Variants in DCDC2 observed in about 807,000 individuals in gnomAD.
DCDC2 encodes doublecortin domain-containing protein 2.
In DCDC2, 40 loss-of-function variants were observed where a neutral mutation model predicts 50.2. The observed-to-expected ratio is 0.80, with a 90% CI of 0.62 to 1.04. The LOEUF is 1.04. Among genes scored for constraint, DCDC2 ranks in the 50% least tolerant of loss-of-function variants. The pLI, the probability that DCDC2 is intolerant of heterozygous loss-of-function variation, is 0.00. For missense variants in DCDC2, 570 were observed against 581.9 expected, an observed-to-expected ratio of 0.98 and a Z score of 0.21; for synonymous variants, 234 against 210.6, an observed-to-expected ratio of 1.11 and a Z score of -0.96.
At chr6:24,310,910 T>G (rs1053914292) in intron 2 of DCDC2, among the ~76,000 whole-genome samples, 1 of 152,200 alleles carries the variant, frequency 6.6e-6, no homozygotes, top group Non-Finnish European at 1.5e-5. Context: ...TTATTTTATC[T>G]GTCCCCTTCT....
At chr6:24,332,250 C>T (rs1759981061) in intron 2 of DCDC2, among the ~76,000 whole-genome samples, 1 of 140,074 alleles carries the variant, frequency 7.1e-6, no homozygotes, top group Admixed American at 7.0e-5. Context: ...GATATGACTT[C>T]GGACTGCCTG....
chr6:24,280,537 A>T (rs1763448069), intron 6 of DCDC2, among the ~76,000 whole-genome samples: 1 of 151,828 alleles, frequency 6.6e-6, no homozygotes, highest in Non-Finnish European at 1.5e-5. Flanking sequence ...AGATTTTAAA[A>T]TTTTATTTAT....
intron 7 of DCDC2, among the ~76,000 whole-genome samples, chr6:24,265,537 C>CA (rs139215810): frequency 2.0e-5 from 3 of 151,554 alleles, no homozygotes; most frequent in Non-Finnish European, 4.4e-5. Flanking sequence ...TAAAAAAACT[C>CA]AAAAAAAATT....
intron 7 of DCDC2, among the ~76,000 whole-genome samples, chr6:24,234,555 T>C (rs1762403812): frequency 6.6e-6 from 1 of 152,014 alleles, no homozygotes; most frequent in African/African-American, 2.4e-5. Context: ...AAGGAGAACC[T>C]AAACAAGGGT....
intron 7 of DCDC2, among the ~76,000 whole-genome samples, chr6:24,220,911 T>C (rs1367753282): frequency 1.4e-4 from 17 of 125,280 alleles, no homozygotes; most frequent in African/African-American, 3.0e-4. Context: ...AGCGAGAGAG[T>C]GAGCGAGCGA....
At chr6:24,183,751 C>G (rs1761132936) in intron 8 of DCDC2, among the ~76,000 whole-genome samples, 1 of 152,184 alleles carries the variant, frequency 6.6e-6, no homozygotes, top group Non-Finnish European at 1.5e-5. Context: ...ATAAATACCA[C>G]TGTCTCCGAG....
chr6:24,312,593 T>G (rs1274737413), intron 2 of DCDC2, among the ~76,000 whole-genome samples: 1 of 152,142 alleles, frequency 6.6e-6, no homozygotes, highest in Admixed American at 6.5e-5. Context: ...ATGAAACCAC[T>G]CATCTCTACC....
In DCDC2 at chr6:24,316,467, G is replaced by GAA. The variant is rs1293009236; in HGVS notation, c.349-14425_349-14424dup. Among the ~76,000 whole-genome samples, 4 of 152,136 alleles carry GAA rather than the reference G, an allele frequency of 2.6e-5. No homozygotes were observed. The South Asian group carries it at 6.2e-4, about 24-fold the overall frequency. ...ATCAGCTGTATGGATGCCACTAATG[G>GAA]AAATATTAAGATAAACGAGTAAGAA... On this transcript the variant is annotated intron_variant, in intron 2 of 9. Coordinates refer to ENST00000378454, the MANE Select transcript of DCDC2 (RefSeq NM_016356.5).
rs1561876844 is a variant in DCDC2, at chr6:24,174,235, T to G, written c.*495A>C. On this transcript the variant is annotated 3_prime_UTR_variant, in exon 10 of 10. Coordinates refer to ENST00000378454, the MANE Select transcript of DCDC2 (RefSeq NM_016356.5). ...GAAAGAAAGGCATGTTAACAAGTCA[T>G]GGACACATTTTGATCTACTGCCATC... 1 of 152,978 alleles carries G rather than the reference T, an allele frequency of 6.5e-6. No individual in the cohort carries two copies. The highest frequency in any genetic ancestry group is 2.1e-4 in the South Asian group (1 of 4,840). The allele number at this position is 152,978 out of a possible 1,614,324, so 9.5% of individuals were successfully genotyped here.
intron 7 of DCDC2, among the ~76,000 whole-genome samples, chr6:24,256,553 G>C (rs927453305): frequency 1.3e-5 from 2 of 152,050 alleles, no homozygotes; most frequent in African/African-American, 4.8e-5. Flanking sequence ...CTCTCCAAAT[G>C]CTGGGTATTT....
chr6:24,243,333 G>A (rs1265826481), intron 7 of DCDC2, among the ~76,000 whole-genome samples: 1 of 152,178 alleles, frequency 6.6e-6, no homozygotes, highest in Non-Finnish European at 1.5e-5. Flanking sequence ...CTGGACATGA[G>A]GTTGCACACC....
intron 7 of DCDC2, among the ~76,000 whole-genome samples, chr6:24,215,729 G>A (rs925153687): frequency 1.1e-4 from 17 of 152,194 alleles, no homozygotes; most frequent in East Asian, 7.7e-4. Flanking sequence ...GGGTCAGGAC[G>A]CTCCGAAGCA....
intron 2 of DCDC2, among the ~76,000 whole-genome samples, chr6:24,351,168 G>C (rs1760362634): frequency 6.6e-6 from 1 of 152,158 alleles, no homozygotes; most frequent in Non-Finnish European, 1.5e-5. Context: ...CTTTTGAGAT[G>C]CCAAGAACCC....
intron 8 of DCDC2, among the ~76,000 whole-genome samples, chr6:24,201,496 T>TAA (rs1761586663): frequency 6.6e-6 from 1 of 152,116 alleles, no homozygotes; most frequent in Admixed American, 6.6e-5. Flanking sequence ...GAGACACAGC[T>TAA]AAAGCAGTGT....
At chr6:24,281,066 G>A (rs1763458883) in intron 6 of DCDC2, among the ~76,000 whole-genome samples, 1 of 152,102 alleles carries the variant, frequency 6.6e-6, no homozygotes, top group Non-Finnish European at 1.5e-5. Flanking sequence ...ACTCTGGAGT[G>A]CGTGTCTTTC....
At chr6:24,337,185 A>G (rs1185801125) in intron 2 of DCDC2, among the ~76,000 whole-genome samples, 1 of 152,226 alleles carries the variant, frequency 6.6e-6, no homozygotes, top group Non-Finnish European at 1.5e-5. Context: ...CTTTTTAAAA[A>G]TGCATTCAGA....
At chr6:24,193,575 T>A (rs897420128) in intron 8 of DCDC2, among the ~76,000 whole-genome samples, 1 of 152,108 alleles carries the variant, frequency 6.6e-6, no homozygotes, top group African/African-American at 2.4e-5. Flanking sequence ...TAGGTAATTA[T>A]TAACCTAGGC....
chr6:24,334,945 G>C (rs1208406735), intron 2 of DCDC2, among the ~76,000 whole-genome samples: 1 of 152,188 alleles, frequency 6.6e-6, no homozygotes, highest in Non-Finnish European at 1.5e-5. Flanking sequence ...GCAGTCACAA[G>C]AGGGCGGCAC....
chr6:24,173,066 T>C lies in DCDC2; in HGVS notation c.*1664A>G, dbSNP rs1189057877. On this transcript the variant is annotated 3_prime_UTR_variant, in exon 10 of 10. Transcript: ENST00000378454. ...CCTACCAACCCAAGATTGTTGCTTA[T>C]AGCCCACAGTGCTTTATATCATCCC... 1 of 151,350 alleles carries C rather than the reference T, an allele frequency of 6.6e-6. No homozygotes were observed. The highest frequency in any genetic ancestry group is 2.4e-5 in the African/African-American group (1 of 41,354). 9.4% of individuals were successfully genotyped at this position (151,350 alleles called of 1,614,324 possible). A position where few individuals can be genotyped will look rare whatever the true frequency, so the allele number is the denominator to read the frequency against.
Sources: allele counts gnomAD v4.1 joint callset (sites outside exome capture counted in the v4.1 genomes callset), GRCh38; gene constraint gnomAD v4.1.1; transcripts MANE v1.5; gene names NCBI Gene and HGNC (gene_info 2026-07-23, HGNC 2026-07-21).